ADSS2: variants seen among roughly 807,000 people sequenced by gnomAD.
ADSS2 encodes the protein adenylosuccinate synthase 2, also known as adenylosuccinate synthetase isozyme 2.
ADSS2 carries 30 observed loss-of-function variants against 60.0 expected under a neutral mutation model. The observed-to-expected ratio is 0.50, with a 90% CI of 0.37 to 0.68. The LOEUF is 0.68. ADSS2 is among the 30% of genes least tolerant of loss of function. The pLI, the probability that ADSS2 is intolerant of heterozygous loss-of-function variation, is 0.00. For missense variants in ADSS2, 373 were observed against 554.8 expected, an observed-to-expected ratio of 0.67 and a Z score of 3.29; for synonymous variants, 187 against 193.1, an observed-to-expected ratio of 0.97 and a Z score of 0.26.
At chr1:244,430,741 AGT>A (rs1664921696) in intron 4 of ADSS2, among the ~76,000 whole-genome samples, 1 of 152,276 alleles carries the variant, frequency 6.6e-6, no homozygotes, top group African/African-American at 2.4e-5. Flanking sequence ...GCTAATGAGT[AGT>A]AAGTGTAAGC....
intron 3 of ADSS2, among the ~76,000 whole-genome samples, chr1:244,435,168 CAAAAAAAAAAAAA>C (rs60576167): frequency 1.2e-4 from 6 of 51,730 alleles, no homozygotes; most frequent in Admixed American, 3.0e-4. Context: ...ACTCCGTCTC[CAAAAAAAAAAAAA>C]AAAAAAAAAA....
intron 3 of ADSS2, among the ~76,000 whole-genome samples, chr1:244,434,984 C>G (rs369232537): frequency 3.3e-5 from 5 of 151,536 alleles, no homozygotes; most frequent in African/African-American, 1.2e-4. Flanking sequence ...CTGGCTAACA[C>G]GGTGAAACCC....
rs60576167 is a variant in ADSS2, at chr1:244,435,168, C to CAAAAAAAAAAAAAAAAAAA, written c.355+1638_355+1656dup. Among the ~76,000 whole-genome samples, 16 of 51,746 alleles carry CAAAAAAAAAAAAAAAAAAA rather than the reference C, an allele frequency of 3.1e-4. 3 individuals carry two copies. The highest frequency in any genetic ancestry group is 1.3e-3 in the African/African-American group (16 of 12,004). The allele number at this position is 51,746 out of a possible 152,430, so 33.9% of individuals were successfully genotyped here. A position where few individuals can be genotyped will look rare whatever the true frequency, so the allele number is the denominator to read the frequency against. On this transcript the variant is annotated intron_variant, in intron 3 of 12. Coordinates refer to ENST00000366535, the MANE Select transcript of ADSS2 (RefSeq NM_001126.5). ...GGGTGACAGAGAGAGACTCCGTCTC[C>CAAAAAAAAAAAAAAAAAAA]AAAAAAAAAAAAAAAAAAAAAAAAA...
intron 3 of ADSS2, among the ~76,000 whole-genome samples, chr1:244,435,645 C>T (rs1240429055): frequency 6.7e-6 from 1 of 149,788 alleles, no homozygotes; most frequent in Non-Finnish European, 1.5e-5. Flanking sequence ...CTCCATCCTT[C>T]TCTTCCTCCT....
At chr1:244,433,578 C>G (rs1665004576) in intron 3 of ADSS2, among the ~76,000 whole-genome samples, 1 of 152,178 alleles carries the variant, frequency 6.6e-6, no homozygotes, top group South Asian at 2.1e-4. Context: ...CAAATATGGG[C>G]TGGGTGCGGT....
rs539234547 is a variant in ADSS2 at position 244,429,874 on chromosome 1, C to T, written c.406+2671G>A. ...TCCCGCCTGGGTGACAGAATGAGACCCTGTCTCAAAAAAATAATAAAATAA... is the reference window on the plus strand; with the variant it reads ...TCCCGCCTGGGTGACAGAATGAGACTCTGTCTCAAAAAAATAATAAAATAA... On this transcript the variant is annotated intron_variant, in intron 4 of 12. Transcript: ENST00000366535. Among the ~76,000 whole-genome samples, 19 of 151,840 alleles carry T rather than the reference C, an allele frequency of 1.3e-4. No individual in the cohort carries two copies. In the South Asian group the frequency reaches 4.0e-3, roughly 32 times the overall value.
chr1:244,438,860 G>T (rs1243481539), intron 1 of ADSS2, among the ~76,000 whole-genome samples: 2 of 151,836 alleles, frequency 1.3e-5, no homozygotes, highest in Non-Finnish European at 2.9e-5. Flanking sequence ...AGGTAAATAT[G>T]GTATCTATCA....
At chr1:244,422,967 A>C (rs1664710041) in intron 6 of ADSS2, 51 bp from the exon 7 acceptor site, 2 of 1,183,982 alleles carry the variant, frequency 1.7e-6, no homozygotes, top group Admixed American at 2.0e-5. Context: ...AAAATATTTC[A>C]AATAATATCA....
chr1:244,448,499 A>T (rs1386538511), intron 1 of ADSS2, among the ~76,000 whole-genome samples: 1 of 152,204 alleles, frequency 6.6e-6, no homozygotes, highest in African/African-American at 2.4e-5. Context: ...ATACACACGG[A>T]ACACTGCTCT....
At chr1:244,416,954 C>T (rs1415916651) in intron 10 of ADSS2, among the ~76,000 whole-genome samples, 4 of 152,134 alleles carry the variant, frequency 2.6e-5, no homozygotes, top group Admixed American at 6.5e-5. Context: ...TTGGGATTCT[C>T]GTCCAAAAAC....
chr1:244,421,529 A>G (rs1262021646), intron 7 of ADSS2, among the ~76,000 whole-genome samples: 1 of 152,190 alleles, frequency 6.6e-6, no homozygotes, highest in Non-Finnish European at 1.5e-5. Flanking sequence ...CTGGTTCAAC[A>G]TACATTACCT....
At chr1:244,432,483 T>C in intron 4 of ADSS2, 62 bp downstream of exon 4, 2 of 1,249,570 alleles carry the variant, frequency 1.6e-6, no homozygotes, top group Non-Finnish European at 2.3e-6. Context: ...TACTAAATAC[T>C]TTCATTTGAT....
upstream of ADSS2, chr1:244,452,051 G>C (rs1302459739): frequency 5.4e-6 from 2 of 369,852 alleles, no homozygotes; most frequent in Non-Finnish European, 9.5e-6. Context: ...AGCACCGCCC[G>C]CAGGAAGAGG....
At chr1:244,443,841 G>A (rs532941144) in intron 1 of ADSS2, among the ~76,000 whole-genome samples, 3 of 152,260 alleles carry the variant, frequency 2.0e-5, no homozygotes, top group East Asian at 3.9e-4. Flanking sequence ...GCAGAGTGGC[G>A]GAGCGGCTCT....
chr1:244,411,271 A>G lies in ADSS2; in HGVS notation c.1318+16T>C, dbSNP rs775623281. 9 of 1,585,210 alleles carry G rather than the reference A, an allele frequency of 5.7e-6. No homozygotes were observed. In the Admixed American group the frequency reaches 1.7e-4, roughly 31 times the overall value. On this transcript the variant is annotated intron_variant, in intron 12 of 12. Coordinates refer to ENST00000366535, the MANE Select transcript of ADSS2 (RefSeq NM_001126.5). ...AGAGAAAAGAAAAAACTTATTCACA[A>G]AGTGTTTATGTTTACCTGGAATTTG...
rs1665590994 is a variant in ADSS2, at chr1:244,451,402, CCA to C, written c.183+231_183+232del. Among the ~76,000 whole-genome samples, 4 of 152,310 alleles carry C rather than the reference CCA, an allele frequency of 2.6e-5. No homozygotes were observed. In the South Asian group the frequency reaches 8.3e-4, roughly 32 times the overall value. ...CATCTCTCAAAGGCTCCCCGCCAGC[CCA>C]CCTCTTCCTCCAGGGCCACCCCAAG... On this transcript the variant is annotated intron_variant, in intron 1 of 12. Transcript: ENST00000366535. This position sits in a 1 kb window ranked among gnomAD's most constrained non-coding sequence, Gnocchi z 6.6.
Position 244,444,513 on chromosome 1 carries a change from T to G in ADSS2, c.184-6745A>C, listed in dbSNP as rs1406332688. Among the ~76,000 whole-genome samples the G allele has an allele frequency of 4.8e-4, 5 of 10,460 alleles. No homozygotes were observed. In the Admixed American group the frequency reaches 6.8e-3, roughly 14 times the overall value. The allele number at this position is 10,460 out of a possible 152,430, so 6.9% of individuals were successfully genotyped here. A position where few individuals can be genotyped will look rare whatever the true frequency, so the allele number is the denominator to read the frequency against. ...CTGGGCGACAGAGCGAGACTCCATC[T>G]CAAAAAAAAAAAAAAAAAAAAAAGA... On this transcript the variant is annotated intron_variant, in intron 1 of 12. Transcript: ENST00000366535.
chr1:244,451,177 C>T lies in ADSS2; in HGVS notation c.183+458G>A, dbSNP rs1415906670. Among the ~76,000 whole-genome samples, 1 of 152,126 alleles carries T rather than the reference C, an allele frequency of 6.6e-6. No homozygotes were observed. The highest frequency in any genetic ancestry group is 1.5e-5 in the Non-Finnish European group (1 of 68,000). On this transcript the variant is annotated intron_variant, in intron 1 of 12. Transcript: ENST00000366535. The surrounding 1 kb of genome is among the most constrained non-coding windows in gnomAD (Gnocchi z 6.6). The stretch of plus-strand genomic sequence containing the variant: ...GTTTCGAAACAATCCACTCCCACTC[C>T]GCCGCCCTGGGCGGGGCGGGGGGGC...
chr1:244,427,532 A>G (rs990266870), intron 4 of ADSS2, among the ~76,000 whole-genome samples: 1 of 152,174 alleles, frequency 6.6e-6, no homozygotes, highest in Non-Finnish European at 1.5e-5. Context: ...AATTGTCACA[A>G]TGAATAAAAT....
Sources: gnomAD v4.1 joint callset for allele counts (sites outside exome capture counted in the v4.1 genomes callset) on GRCh38, gnomAD v4.1.1 for gene constraint, Gnocchi (gnomAD v3.1) non-coding constraint, MANE v1.5 for transcripts, NCBI Gene and HGNC (gene_info 2026-07-23, HGNC 2026-07-21) for gene names.